CCNT1: variants seen among roughly 807,000 people sequenced by gnomAD.
The protein encoded by CCNT1 is cyclin-T1.
A neutral mutation model predicts 67.3 loss-of-function variants in CCNT1; 18 were observed. The ratio of observed to expected loss-of-function variants is 0.27; its 90% confidence interval spans 0.18 to 0.40. CCNT1 has a LOEUF of 0.40. Among genes scored for constraint, CCNT1 ranks in the 10% least tolerant of loss-of-function variants. CCNT1 has a pLI of 1.00. For missense variants in CCNT1, 744 were observed against 884.9 expected (o/e 0.84, Z 2.02); for synonymous variants, 333 against 310.3 (o/e 1.07, Z -0.77).
In CCNT1 at chr12:48,694,284, C is replaced by T; in HGVS notation, c.930G>A (p.Val310=). 1.9e-6 allele frequency: 3 copies of T among 1,614,216 alleles called. No homozygotes were observed. Among genetic ancestry groups the T allele is most frequent in the Non-Finnish European group, 2.5e-6 (3 of 1,180,030 alleles). The change falls in exon 9 of 9, where the codon GTG becomes GTA. Residue 310 remains valine, a synonymous_variant. Transcript: ENST00000261900. ...MSMSTSTTSA[V]PSLPVSEESS... Reference sequence around the variant, plus strand: ...ACTCTTCGGAGACTGGCAGGGAAGGCACTGCACTTGTGGTAGAAGTTGACA... The same window carrying T: ...ACTCTTCGGAGACTGGCAGGGAAGGTACTGCACTTGTGGTAGAAGTTGACA...
In CCNT1 at chr12:48,694,250, T is replaced by A; in HGVS notation, c.964A>T (p.Asn322Tyr). Residue 322 changes from asparagine to tyrosine, a missense_variant, in exon 9 of 9, where the codon AAC becomes TAC. Physicochemically the swap from Asn to Tyr is moderately radical, Grantham distance 143 (BLOSUM62 -2). This residue lies in a region of CCNT1 where 564 missense variants were observed against 574.2 expected (regional missense o/e 0.98). Transcript: ENST00000261900. ...SLPVSEESSSNLTSVEMLPGK... is the reference protein window; with the variant it reads ...SLPVSEESSSYLTSVEMLPGK... ...GGCAACATCTCCACACTGGTTAAGT[T>A]GCTGGATGACTCTTCGGAGACTGGC... 6.2e-7 allele frequency: 1 copy of A among 1,614,198 alleles called. No homozygotes were observed. Among genetic ancestry groups the A allele is most frequent in the East Asian group, 2.2e-5 (1 of 44,880 alleles).
rs1354354948 is a variant in CCNT1, at chr12:48,699,858, T to C, written c.434-18A>G. ...TTCAAAGCCTTAAAAGAAAAAGTAA[T>C]GGATTAAAAAACTATTAAGAAGTTT... On this transcript the variant is annotated intron_variant, in intron 4 of 8. Coordinates refer to ENST00000261900, the MANE Select transcript of CCNT1 (RefSeq NM_001240.4). The C allele has an allele frequency of 6.6e-7, 1 of 1,514,908 alleles. No individual in the cohort carries two copies. The highest frequency in any genetic ancestry group is 1.8e-5 in the Admixed American group (1 of 56,496). The allele number at this position is 1,514,908 out of a possible 1,614,324, so 93.8% of individuals were successfully genotyped here.
In CCNT1 at chr12:48,694,191, G is replaced by A. The variant is rs1171192942; in HGVS notation, c.1023C>T (p.Phe341=). ...GATGACCCTGAGTAGGTTCTAGTTT[G>A]AAAGAAGGTTGGGAGGACAGCCAAC... is the stretch of plus-strand genomic sequence containing the variant. ...GKRWLSSQPS[F]KLEPTQGHRT... Residue 341 remains phenylalanine, a synonymous_variant, in exon 9 of 9, where the codon TTC becomes TTT. Coordinates refer to ENST00000261900, the MANE Select transcript of CCNT1 (RefSeq NM_001240.4). 6.2e-7 allele frequency: 1 copy of A among 1,614,202 alleles called. No homozygotes were observed. Among genetic ancestry groups the A allele is most frequent in the South Asian group, 1.1e-5 (1 of 91,086 alleles).
intron 1 of CCNT1, among the ~76,000 whole-genome samples, chr12:48,716,221 A>C (rs142133955): frequency 8.5e-4 from 130 of 152,386 alleles, no homozygotes; most frequent in African/African-American, 3.1e-3. Flanking sequence ...TCACCAGAGC[A>C]GATCAGAACA....
chr12:48,701,062 T>C lies in CCNT1; in HGVS notation c.384A>G (p.Gln128=), dbSNP rs1940257654. 1 of 1,591,156 alleles carries C rather than the reference T, an allele frequency of 6.3e-7. No homozygotes were observed. ...LPDTRSEAYL[Q]QVQDLVILES... The stretch of plus-strand genomic sequence containing the variant: ...CTAAAATGACCAGATCTTGAACTTG[T>C]TGCAAATAAGCCTAAAAGTGAGAAG... The change falls in exon 4 of 9, where the codon CAA becomes CAG. Residue 128 remains glutamine, a synonymous_variant. Coordinates refer to ENST00000261900, the MANE Select transcript of CCNT1 (RefSeq NM_001240.4).
intron 2 of CCNT1, among the ~76,000 whole-genome samples, chr12:48,712,776 C>T (rs112844147): frequency 7.3e-5 from 11 of 151,498 alleles, no homozygotes; most frequent in African/African-American, 2.4e-4. Context: ...CTCGTCTCTA[C>T]TAAAAATACA....
chr12:48,702,354 T>C (rs1020369046), intron 3 of CCNT1, among the ~76,000 whole-genome samples: 3 of 152,164 alleles, frequency 2.0e-5, no homozygotes, highest in Admixed American at 1.3e-4. Context: ...AAGGAAAAGG[T>C]AATAAGAAAA....
chr12:48,701,445 C>T (rs1226387217), intron 3 of CCNT1, among the ~76,000 whole-genome samples: 1 of 151,118 alleles, frequency 6.6e-6, no homozygotes, highest in Non-Finnish European at 1.5e-5. Flanking sequence ...TACACATTTT[C>T]TTTAAAAAAT....
In CCNT1 at chr12:48,693,695, T is replaced by C. The variant is rs1408358673; in HGVS notation, c.1519A>G (p.Lys507Glu). The C allele has an allele frequency of 6.2e-7, 1 of 1,614,160 alleles. No individual in the cohort carries two copies. Among genetic ancestry groups the C allele is most frequent in the Admixed American group, 1.7e-5 (1 of 60,026 alleles). Residue 507 changes from lysine to glutamate, a missense_variant, in exon 9 of 9, where the codon AAA (lysine) becomes GAA (glutamate). Transcript: ENST00000261900. ...EDSVTKSREH[K>E]EKHKTHPSNH... ...GATGGGTGAGTCTTGTGCTTTTCTTTGTGCTCTCGGCTCTTTGTAACACTG... is the reference window on the plus strand; with the variant it reads ...GATGGGTGAGTCTTGTGCTTTTCTTCGTGCTCTCGGCTCTTTGTAACACTG...
At chr12:48,711,746 G>A (rs938138558) in intron 2 of CCNT1, among the ~76,000 whole-genome samples, 2 of 152,098 alleles carry the variant, frequency 1.3e-5, no homozygotes, top group Middle Eastern at 3.2e-3. Context: ...AGAGGTACAG[G>A]GGCTAAGGGC....
At chr12:48,700,947 A>C (rs1940255634) in intron 4 of CCNT1, 66 bp downstream of exon 4, 12 of 992,858 alleles carry the variant, frequency 1.2e-5, no homozygotes, top group Non-Finnish European at 1.8e-5. Flanking sequence ...CTATATAGCA[A>C]ATTTTTAGAA....
At chr12:48,706,803 C>A (rs369451944) in intron 2 of CCNT1, among the ~76,000 whole-genome samples, 1 of 152,100 alleles carries the variant, frequency 6.6e-6, no homozygotes, top group Non-Finnish European at 1.5e-5. Flanking sequence ...TTATTTGTAA[C>A]CCTGATGTCA....
chr12:48,693,511 G>C lies in CCNT1; in HGVS notation c.1703C>G (p.Ser568Cys). 1 of 1,614,198 alleles carries C rather than the reference G, an allele frequency of 6.2e-7. No individual in the cohort carries two copies. The highest frequency in any genetic ancestry group is 1.1e-5 in the South Asian group (1 of 91,082). The change falls in exon 9 of 9, where the codon TCC becomes TGC. Residue 568 changes from serine to cysteine, a missense_variant. By Grantham distance (112) the Ser-to-Cys change is moderately radical (BLOSUM62 -1). Transcript: ENST00000261900. ...GGGTCCCCTTTTACGAGTAGAACTG[G>C]AAGAGGAAAAAGAACTAGACAAGCT... The part of the protein sequence containing the change: ...TYSLSSSFSS[S>C]SSTRKRGPSE...
chr12:48,715,254 C>T (rs554619978), intron 1 of CCNT1, among the ~76,000 whole-genome samples: 2 of 152,208 alleles, frequency 1.3e-5, no homozygotes, highest in East Asian at 1.9e-4. Context: ...AACAAACTGG[C>T]GATAAAACAG....
rs529657720 is a variant in CCNT1 at position 48,707,124 on chromosome 12, C to T, written c.244-1228G>A. Among the ~76,000 whole-genome samples, 17 of 152,222 alleles carry T rather than the reference C, an allele frequency of 1.1e-4. No homozygotes were observed. The South Asian group carries it at 3.3e-3, about 30-fold the overall frequency. ...TTGTTTCAGATGAATATGAAGCATA[C>T]TACATATATATTCCTCAGACTTTAG... On this transcript the variant is annotated intron_variant, in intron 2 of 8. Coordinates refer to ENST00000261900, the MANE Select transcript of CCNT1 (RefSeq NM_001240.4).
intron 2 of CCNT1, among the ~76,000 whole-genome samples, chr12:48,714,148 T>A (rs908628570): frequency 6.6e-6 from 1 of 152,160 alleles, no homozygotes; most frequent in Non-Finnish European, 1.5e-5. Context: ...GCTCAAGTGA[T>A]CCTCCCATCT....
intron 8 of CCNT1, 22 bp from the exon 9 acceptor site, chr12:48,694,458 C>G: frequency 6.3e-7 from 1 of 1,592,482 alleles, no homozygotes; most frequent in Non-Finnish European, 8.6e-7. Flanking sequence ...CAAATAGCAT[C>G]TCTTTACTTA....
chr12:48,697,534 A>AATATATATATATATAT (rs771889041), intron 6 of CCNT1, among the ~76,000 whole-genome samples: 4 of 130,708 alleles, frequency 3.1e-5, no homozygotes, highest in African/African-American at 1.2e-4. Flanking sequence ...AAAAAAAAAA[A>AATATATATATATATAT]ATATATATAT....
At position 48,698,123 on chromosome 12, in the gene CCNT1, A is replaced by G; in HGVS notation, c.542+15T>C. On this transcript the variant is annotated intron_variant, in intron 6 of 8. Transcript: ENST00000261900. ...ATACCAAAAATCGAAGAGAAAAAAA[A>G]ATTAAAATATAAACCTGTTGGTTGC... 1.3e-6 allele frequency: 2 copies of G among 1,549,672 alleles called. No individual in the cohort carries two copies. The highest frequency in any genetic ancestry group is 1.7e-6 in the Non-Finnish European group (2 of 1,145,882).
Sources: gnomAD v4.1 joint callset for allele counts (sites outside exome capture counted in the v4.1 genomes callset) on GRCh38, gnomAD v4.1.1 for gene constraint, gnomAD v4.1.1 regional missense constraint, MANE v1.5 for transcripts, NCBI Gene and HGNC (gene_info 2026-07-23, HGNC 2026-07-21) for gene names.